STPG2: variants seen among roughly 807,000 people sequenced by gnomAD.
STPG2 encodes the protein sperm-tail PG-rich repeat-containing protein 2.
A neutral mutation model predicts 54.2 loss-of-function variants in STPG2; 56 were observed. That is an observed-to-expected ratio of 1.03 (90% confidence interval 0.83 to 1.29). The LOEUF is 1.29. Among genes scored for constraint, STPG2 ranks in the 50% most tolerant of loss-of-function variants. The pLI is 0.00. For missense variants in STPG2, 596 were observed against 544.9 expected, an observed-to-expected ratio of 1.09 and a Z score of -0.93; for synonymous variants, 200 against 181.8, an observed-to-expected ratio of 1.10 and a Z score of -0.81.
chr4:97,636,592 T>C (rs1204582567), intron 10 of STPG2, among the ~76,000 whole-genome samples: 1 of 150,088 alleles, frequency 6.7e-6, no homozygotes, highest in Non-Finnish European at 1.5e-5. Context: ...GATAGACTGC[T>C]AGCAAGACTA....
At chr4:97,947,235 C>A (rs1029994725) in intron 7 of STPG2, among the ~76,000 whole-genome samples, 1 of 152,060 alleles carries the variant, frequency 6.6e-6, no homozygotes, top group Admixed American at 6.6e-5. Context: ...GATTTTGTAA[C>A]CTGAGACATT....
chr4:98,082,145 T>C (rs75633224), intron 5 of STPG2, among the ~76,000 whole-genome samples: 3,126 of 152,254 alleles, frequency 0.021, 120 homozygotes, highest in Admixed American at 0.1. Context: ...TGTTCTACTC[T>C]AGTGCCTCAG....
intron 9 of STPG2, among the ~76,000 whole-genome samples, chr4:97,740,911 T>C (rs530232718): frequency 1.5e-4 from 23 of 152,162 alleles, no homozygotes; most frequent in African/African-American, 5.1e-4. Flanking sequence ...GCCAAGTCAA[T>C]CTTAAGGCAA....
intron 10 of STPG2, among the ~76,000 whole-genome samples, chr4:97,584,568 CA>C (rs1448861262): frequency 4.0e-5 from 6 of 151,582 alleles, no homozygotes; most frequent in African/African-American, 1.5e-4. Flanking sequence ...CAAAATAATA[CA>C]AAAGATAAAT....
chr4:98,113,918 G>A (rs1352266905), intron 3 of STPG2, among the ~76,000 whole-genome samples: 2 of 151,970 alleles, frequency 1.3e-5, no homozygotes, highest in African/African-American at 4.8e-5. Context: ...GTGTAGGGGG[G>A]CAGAGACAAA....
intron 10 of STPG2, among the ~76,000 whole-genome samples, chr4:97,607,433 C>T (rs1733624291): frequency 6.6e-6 from 1 of 152,030 alleles, no homozygotes; most frequent in South Asian, 2.1e-4. Flanking sequence ...ATTCACCACC[C>T]AAATCAAAGA....
intron 7 of STPG2, among the ~76,000 whole-genome samples, chr4:97,949,067 A>C (rs1383915870): frequency 2.0e-5 from 3 of 152,086 alleles, no homozygotes; most frequent in Admixed American, 6.6e-5. Context: ...GTCAAGTAGT[A>C]ATTGTTTTAA....
chr4:98,123,302 T>C (rs537239607), intron 3 of STPG2, among the ~76,000 whole-genome samples: 1 of 152,156 alleles, frequency 6.6e-6, no homozygotes, highest in East Asian at 1.9e-4. Context: ...TTGAGATCTT[T>C]CTAGCTTTTT....
chr4:97,511,614 C>G (rs1358123247), intron 4 of STPG2, among the ~76,000 whole-genome samples: 1 of 151,966 alleles, frequency 6.6e-6, no homozygotes, highest in African/African-American at 2.4e-5. Context: ...GATTAACCAA[C>G]TTTATTTAAT....
chr4:97,744,946 C>T (rs897820381), intron 9 of STPG2, among the ~76,000 whole-genome samples: 3 of 151,232 alleles, frequency 2.0e-5, no homozygotes, highest in Admixed American at 6.6e-5. Flanking sequence ...ATCATCTGCT[C>T]TTCACATAAA....
intron 2 of STPG2, among the ~76,000 whole-genome samples, chr4:98,130,024 A>AT (rs1466743732): frequency 6.7e-6 from 1 of 149,446 alleles, no homozygotes; most frequent in Non-Finnish European, 1.5e-5. Context: ...CACCTGGCTA[A>AT]TTTTTTTGTA....
chr4:97,827,163 A>T (rs1322900120), intron 9 of STPG2, among the ~76,000 whole-genome samples: 1 of 150,974 alleles, frequency 6.6e-6, no homozygotes, highest in Non-Finnish European at 1.5e-5. Context: ...AATCTTTTTG[A>T]CTCTTTGCTT....
intron 3 of STPG2, among the ~76,000 whole-genome samples, chr4:98,110,760 G>C (rs1282254562): frequency 1.3e-5 from 2 of 151,970 alleles, no homozygotes; most frequent in Non-Finnish European, 2.9e-5. Flanking sequence ...TTATGAGGAG[G>C]CAAGAATTGA....
At position 98,109,373 on chromosome 4, in the gene STPG2, G is replaced by T. The variant is rs567933725; in HGVS notation, c.388-68C>A. On this transcript the variant is annotated intron_variant, in intron 3 of 10. Transcript: ENST00000295268. Reference sequence around the variant, plus strand: ...TTAAATAAGTCATGAAACAATGTTTGGCTTTACCTAAGTCTAAATCTAAAG... The same window carrying T: ...TTAAATAAGTCATGAAACAATGTTTTGCTTTACCTAAGTCTAAATCTAAAG... The T allele has an allele frequency of 3.3e-6, 4 of 1,195,152 alleles. No individual in the cohort carries two copies. The South Asian group carries it at 5.9e-5, about 18-fold the overall frequency. The allele number at this position is 1,195,152 out of a possible 1,614,324, so 74.0% of individuals were successfully genotyped here. A position where few individuals can be genotyped will look rare whatever the true frequency, so the allele number is the denominator to read the frequency against.
In STPG2 at chr4:97,829,265, C is replaced by T. The variant is rs867307311; in HGVS notation, c.1204+11508G>A. Among the ~76,000 whole-genome samples the T allele has an allele frequency of 3.3e-5, 5 of 152,266 alleles. No homozygotes were observed. In the Middle Eastern group the frequency reaches 0.01, roughly 311 times the overall value. On this transcript the variant is annotated intron_variant, in intron 9 of 10. Transcript: ENST00000295268. The stretch of plus-strand genomic sequence containing the variant: ...GGAGTAGAACTCCAGAAAACTCCAG[C>T]AGACCTGCAGCAGAGTGGCCTGTTA...
chr4:97,723,809 G>T (rs1026721489), intron 9 of STPG2, among the ~76,000 whole-genome samples: 1 of 152,152 alleles, frequency 6.6e-6, no homozygotes. Flanking sequence ...CATGAAGAGG[G>T]AAGTGCCACT....
intron 9 of STPG2, among the ~76,000 whole-genome samples, chr4:97,786,057 A>T (rs1174255832): frequency 6.6e-6 from 1 of 152,066 alleles, no homozygotes; most frequent in African/African-American, 2.4e-5. Flanking sequence ...ACACAATAAA[A>T]CATTTGCCAC....
chr4:97,963,737 A>G (rs1733986539), intron 7 of STPG2, among the ~76,000 whole-genome samples: 1 of 151,756 alleles, frequency 6.6e-6, no homozygotes, highest in African/African-American at 2.4e-5. Flanking sequence ...ACATACACAC[A>G]TATATATTTA....
intron 10 of STPG2, among the ~76,000 whole-genome samples, chr4:97,616,416 C>A (rs977639931): frequency 1.3e-5 from 2 of 151,804 alleles, no homozygotes; most frequent in Non-Finnish European, 2.9e-5. Flanking sequence ...TTTTCATAGG[C>A]AAAGTAGCAC....
Sources: gnomAD v4.1 joint callset for allele counts (sites outside exome capture counted in the v4.1 genomes callset) on GRCh38, gnomAD v4.1.1 for gene constraint, MANE v1.5 for transcripts, NCBI Gene and HGNC (gene_info 2026-07-23, HGNC 2026-07-21) for gene names.